The following RARS1 variants were observed in gnomAD, a reference collection of about 807,000 sequenced individuals.
RARS1 encodes arginyl-tRNA synthetase 1.
A neutral mutation model predicts 78.7 loss-of-function variants in RARS1; 75 were observed. The observed-to-expected ratio is 0.95, with a 90% confidence interval of 0.79 to 1.15. The LOEUF is 1.15. RARS1 is among the 50% of genes most tolerant of loss of function. The pLI, the probability that RARS1 is intolerant of heterozygous loss-of-function variation, is 0.00. For missense variants in RARS1, 787 were observed against 787.5 expected, an observed-to-expected ratio of 1.00 and a Z score of 0.01; for synonymous variants, 273 against 268.2, an observed-to-expected ratio of 1.02 and a Z score of -0.18.
Position 168,511,377 on chromosome 5 carries a change from G to C in RARS1, c.1452+691G>C, listed in dbSNP as rs183725224. Among the ~76,000 whole-genome samples the C allele has an allele frequency of 4.6e-5, 7 of 151,948 alleles. No individual in the cohort carries two copies. In the East Asian group the frequency reaches 1.2e-3, roughly 25 times the overall value. Reference sequence around the variant, plus strand: ...CTTTTATTCATGGGGGAAGATGAAGGGGGAGCAGGCACTTCACATGGCTAA... The same window carrying C: ...CTTTTATTCATGGGGGAAGATGAAGCGGGAGCAGGCACTTCACATGGCTAA... On this transcript the variant is annotated intron_variant, in intron 12 of 14. Coordinates refer to ENST00000231572, the MANE Select transcript of RARS1 (RefSeq NM_002887.4).
Position 168,518,071 on chromosome 5 carries a change from C to CTTTTTTTTTTTTTTTGTTT in RARS1, c.1873+24_1873+25insGTTTTTTTTTTTTTTTTTT. 1 of 747,560 alleles carries CTTTTTTTTTTTTTTTGTTT rather than the reference C, an allele frequency of 1.3e-6. No homozygotes were observed. The highest frequency in any genetic ancestry group is 1.6e-6 in the Non-Finnish European group (1 of 622,936). The allele number at this position is 747,560 out of a possible 1,614,324, so 46.3% of individuals were successfully genotyped here. A position where few individuals can be genotyped will look rare whatever the true frequency, so the allele number is the denominator to read the frequency against. ...GAAAGATAGACAGACTGGTGAGTGT[C>CTTTTTTTTTTTTTTTGTTT]TTTTTTTTTTTTTTTTTTTTTTTTA... is the stretch of plus-strand genomic sequence containing the variant. On this transcript the variant is annotated intron_variant, in intron 14 of 14. Transcript: ENST00000231572.
chr5:168,497,573 G>T (rs921383318), intron 7 of RARS1, among the ~76,000 whole-genome samples: 2 of 151,870 alleles, frequency 1.3e-5, no homozygotes, highest in African/African-American at 4.8e-5. Flanking sequence ...AGTTCTGCAG[G>T]CTGTACAAGC....
chr5:168,495,577 C>T lies in RARS1; in HGVS notation c.701+141C>T, dbSNP rs551433015. Reference sequence around the variant, plus strand: ...CAGCTTAGTTCTTCTTTACAACCACCCAGTAAGCTTTTAAAATATGTCCTG... The same window carrying T: ...CAGCTTAGTTCTTCTTTACAACCACTCAGTAAGCTTTTAAAATATGTCCTG... On this transcript the variant is annotated intron_variant, in intron 6 of 14. Coordinates refer to ENST00000231572, the MANE Select transcript of RARS1 (RefSeq NM_002887.4). 59 of 1,306,318 alleles carry T rather than the reference C, an allele frequency of 4.5e-5. No individual in the cohort carries two copies. The African/African-American group carries it at 7.9e-4, about 17-fold the overall frequency. 80.9% of individuals were successfully genotyped at this position (1,306,318 alleles called of 1,614,324 possible).
intron 12 of RARS1, among the ~76,000 whole-genome samples, chr5:168,515,217 G>A (rs938990906): frequency 6.6e-6 from 1 of 152,078 alleles, no homozygotes; most frequent in African/African-American, 2.4e-5. Flanking sequence ...AGATTTTAAA[G>A]TTGCTATTAT....
At chr5:168,506,970 G>A in intron 11 of RARS1, 139 bp downstream of exon 11, 2 of 671,350 alleles carry the variant, frequency 3.0e-6, no homozygotes, top group Non-Finnish European at 5.0e-6. Context: ...ACCCAGCTGA[G>A]TGATTTTGTA....
chr5:168,517,219 T>G (rs1052585399), intron 13 of RARS1, among the ~76,000 whole-genome samples: 5 of 152,134 alleles, frequency 3.3e-5, no homozygotes, highest in African/African-American at 1.2e-4. Context: ...CTCGGCTCAC[T>G]GCAACCTCCA....
rs1198942582 is a variant in RARS1, at chr5:168,500,191, A to T, written c.823-400A>T. ...ACTCCAGCCTGGGAGACAGAGTGAG[A>T]CTCTGTCTCAAAAAAAAAAAAAAAA... is the stretch of plus-strand genomic sequence containing the variant. On this transcript the variant is annotated intron_variant, in intron 7 of 14. Transcript: ENST00000231572. 5.9e-5 allele frequency among the ~76,000 whole-genome samples: 7 copies of T among 119,332 alleles called. No individual in the cohort carries two copies. The Admixed American group carries it at 7.7e-4, about 13-fold the overall frequency. 78.3% of individuals were successfully genotyped at this position (119,332 alleles called of 152,430 possible). A position where few individuals can be genotyped will look rare whatever the true frequency, so the allele number is the denominator to read the frequency against.
intron 1 of RARS1, among the ~76,000 whole-genome samples, chr5:168,487,066 T>C (rs1757980682): frequency 6.6e-6 from 1 of 151,988 alleles, no homozygotes; most frequent in South Asian, 2.1e-4. Context: ...AGCCACACCA[T>C]ATAAAAGTGA....
At chr5:168,489,160 C>G (rs776012792) in intron 2 of RARS1, among the ~76,000 whole-genome samples, 1 of 152,094 alleles carries the variant, frequency 6.6e-6, no homozygotes, top group Admixed American at 6.6e-5. Context: ...GCTGGGACTA[C>G]AGGCGTGTGC....
intron 8 of RARS1, 142 bp from the exon 9 acceptor site, chr5:168,501,859 G>A: frequency 7.8e-7 from 1 of 1,287,344 alleles, no homozygotes; most frequent in East Asian, 2.9e-5. Flanking sequence ...TGTATATAAT[G>A]TTCTATATCA....
At chr5:168,512,332 G>A (rs553238728) in intron 12 of RARS1, among the ~76,000 whole-genome samples, 1 of 152,120 alleles carries the variant, frequency 6.6e-6, no homozygotes, top group Non-Finnish European at 1.5e-5. Flanking sequence ...TTTTCTTTCG[G>A]ATATATATCT....
chr5:168,498,511 TATATTTA>T (rs1257525480), intron 7 of RARS1, among the ~76,000 whole-genome samples: 1 of 152,234 alleles, frequency 6.6e-6, no homozygotes, highest in Non-Finnish European at 1.5e-5. Flanking sequence ...GTTTTTGTAT[TATATTTA>T]ATATTGCAAA....
At chr5:168,513,576 C>T (rs1382314884) in intron 12 of RARS1, among the ~76,000 whole-genome samples, 1 of 152,148 alleles carries the variant, frequency 6.6e-6, no homozygotes, top group Non-Finnish European at 1.5e-5. Flanking sequence ...GCCTCAGGCT[C>T]TCAAAGTGCT....
chr5:168,499,185 C>T (rs1456184719), intron 7 of RARS1, among the ~76,000 whole-genome samples: 4 of 151,418 alleles, frequency 2.6e-5, no homozygotes, highest in Non-Finnish European at 5.9e-5. Flanking sequence ...CGGGCACACT[C>T]CTGTAGTTCC....
intron 4 of RARS1, 85 bp downstream of exon 4, chr5:168,494,087 A>C: frequency 7.3e-7 from 1 of 1,363,528 alleles, no homozygotes; most frequent in Non-Finnish European, 1.0e-6. Context: ...TTTTAATTAC[A>C]GGGTTAAACT....
At chr5:168,508,995 T>G (rs11748918) in intron 11 of RARS1, among the ~76,000 whole-genome samples, 19,779 of 149,836 alleles carry the variant, frequency 0.13, 1,716 homozygotes, top group Non-Finnish European at 0.19. Context: ...TAGGCATCTG[T>G]TTTTTTTTTA....
In RARS1 at chr5:168,506,757, A is replaced by C. The variant is rs1436126591; in HGVS notation, c.1272A>C (p.Gln424His). The change falls in exon 11 of 15, where the codon CAA becomes CAC. Residue 424 changes from glutamine (Q) to histidine (H), a missense_variant. By Grantham distance (24) the Gln-to-His change is conservative. Coordinates refer to ENST00000231572, the MANE Select transcript of RARS1 (RefSeq NM_002887.4). ...TCCAGACAATATTTGCTGCTGCTCAAATGATTGGTTGGTATGACCCTAAAG... is the reference window on the plus strand; with the variant it reads ...TCCAGACAATATTTGCTGCTGCTCACATGATTGGTTGGTATGACCCTAAAG... ...VHFQTIFAAA[Q>H]MIGWYDPKVT... 2 of 1,613,810 alleles carry C rather than the reference A, an allele frequency of 1.2e-6. No homozygotes were observed. The highest frequency in any genetic ancestry group is 1.7e-6 in the Non-Finnish European group (2 of 1,179,896).
Position 168,502,038 on chromosome 5 carries a change from A to G in RARS1, c.990A>G (p.Leu330=). The change falls in exon 9 of 15, where the codon TTA becomes TTG. Residue 330 remains leucine (L), a synonymous_variant. Coordinates refer to ENST00000231572, the MANE Select transcript of RARS1 (RefSeq NM_002887.4). ...NKIYDALDVS[L]IERGESFYQD... is the part of the protein sequence containing the mutation. ...TCTATGATGCATTGGACGTCTCTTT[A>G]ATAGAGAGAGGGGAATCCTTCTATC... 1 of 1,602,664 alleles carries G rather than the reference A, an allele frequency of 6.2e-7. No homozygotes were observed. The highest frequency in any genetic ancestry group is 8.5e-7 in the Non-Finnish European group (1 of 1,174,998).
At position 168,516,825 on chromosome 5, in the gene RARS1, T is replaced by C. The variant is rs775377945; in HGVS notation, c.1500T>C (p.Tyr500=). 8.1e-6 allele frequency: 13 copies of C among 1,614,084 alleles called. No homozygotes were observed. The highest frequency in any genetic ancestry group is 2.7e-5 in the African/African-American group (2 of 74,930). ...ATGCTGCTCAGACATCCGTTGCGTA[T>C]GGCTGCATCAAATATGCTGACCTTT... ...ELNAAQTSVA[Y]GCIKYADLSH... is the part of the protein sequence containing the mutation. The change falls in exon 13 of 15, where the codon TAT becomes TAC. Residue 500 remains tyrosine (Y), a synonymous_variant. Coordinates refer to ENST00000231572, the MANE Select transcript of RARS1 (RefSeq NM_002887.4).
Sources: allele counts gnomAD v4.1 joint callset (sites outside exome capture counted in the v4.1 genomes callset), GRCh38; gene constraint gnomAD v4.1.1; transcripts MANE v1.5; gene names NCBI Gene and HGNC (gene_info 2026-07-23, HGNC 2026-07-21).